TMEM132B: variants seen among roughly 807,000 people sequenced by gnomAD.
TMEM132B encodes the protein transmembrane protein 132B.
Under a neutral mutation model 90.8 loss-of-function variants are expected in TMEM132B, and 18 were observed. That is an observed-to-expected ratio of 0.20 (90% confidence interval 0.14 to 0.29). The LOEUF (loss-of-function observed/expected upper bound fraction) is 0.29, where lower values mean the gene tolerates loss of function less well. Ranked by LOEUF, TMEM132B falls within the 10% of genes least tolerant of loss-of-function variation. TMEM132B has a pLI of 1.00. For synonymous variants in TMEM132B, 504 were observed against 523.3 expected (o/e 0.96, Z 0.50); for missense variants, 1,096 against 1,326.8 (o/e 0.83, Z 2.70).
chr12:125,522,914 A>G (rs1189699180), intron 4 of TMEM132B, among the ~76,000 whole-genome samples: 1 of 152,196 alleles, frequency 6.6e-6, no homozygotes, highest in African/African-American at 2.4e-5. Context: ...AGAGCAGGTA[A>G]TGAGGGGTGA....
At chr12:125,474,161 T>A (rs979758497) in intron 3 of TMEM132B, among the ~76,000 whole-genome samples, 1 of 151,448 alleles carries the variant, frequency 6.6e-6, no homozygotes, top group African/African-American at 2.4e-5. Context: ...CTTCTTTTTC[T>A]CTTTCTCTCT....
At chr12:125,468,574 C>T (rs577115791) in intron 3 of TMEM132B, among the ~76,000 whole-genome samples, 15 of 152,284 alleles carry the variant, frequency 9.9e-5, no homozygotes, top group Middle Eastern at 3.4e-3. Context: ...TTGACCAATA[C>T]GTGAGGGCTT....
rs535003074 is a variant in TMEM132B, at chr12:125,622,503, A to G, written c.1438-21573A>G. On this transcript the variant is annotated intron_variant, in intron 5 of 8. Coordinates refer to ENST00000682704, the MANE Select transcript of TMEM132B (RefSeq NM_001366854.1). The stretch of plus-strand genomic sequence containing the variant: ...CTGTGCTGGAAAGGACTCACAGTCA[A>G]GAAAGGTGTAGATCCTGCAGACTGC... The G allele has an allele frequency of 4.2e-5, 41 of 985,396 alleles. No homozygotes were observed. The African/African-American group carries it at 6.8e-4, about 16-fold the overall frequency. 61.0% of individuals were successfully genotyped at this position (985,396 alleles called of 1,614,324 possible).
chr12:125,590,663 T>C lies in TMEM132B; in HGVS notation c.1437+6669T>C, dbSNP rs149573482. ...AATATATAAACAGCTTTGGGAGATA[T>C]AAAGGTGTAATGCATATGACTTCTA... On this transcript the variant is annotated intron_variant, in intron 5 of 8. Transcript: ENST00000682704. Among the ~76,000 whole-genome samples the C allele has an allele frequency of 6.3e-4, 96 of 152,332 alleles. No homozygotes were observed. The East Asian group carries it at 0.011, about 17-fold the overall frequency.
chr12:125,541,246 T>C (rs1254405647), intron 4 of TMEM132B, among the ~76,000 whole-genome samples: 2 of 152,190 alleles, frequency 1.3e-5, no homozygotes, highest in Admixed American at 6.5e-5. Context: ...AGCTGACACA[T>C]ATAGAGAGTC....
At chr12:125,509,621 C>T (rs560617615) in intron 3 of TMEM132B, among the ~76,000 whole-genome samples, 61 of 151,610 alleles carry the variant, frequency 4.0e-4, no homozygotes, top group African/African-American at 1.3e-3. Flanking sequence ...GGGTTGGCTG[C>T]GGGGAGTGGA....
chr12:125,434,191 G>A (rs1327252650), intron 3 of TMEM132B, among the ~76,000 whole-genome samples: 1 of 152,098 alleles, frequency 6.6e-6, no homozygotes, highest in Non-Finnish European at 1.5e-5. Context: ...GTATCCCTCT[G>A]ACCTCTGCAG....
At chr12:125,377,639 ATGT>A (rs537540916) in intron 2 of TMEM132B, among the ~76,000 whole-genome samples, 11 of 152,244 alleles carry the variant, frequency 7.2e-5, no homozygotes, top group Admixed American at 6.5e-4. Context: ...ATTATTTTCC[ATGT>A]TGTTATAATT....
intron 1 of TMEM132B, chr12:125,301,293 T>C (rs1461088443): frequency 2.0e-5 from 3 of 152,266 alleles, no homozygotes; most frequent in Non-Finnish European, 2.9e-5. Context: ...AGAGCTTGAT[T>C]GCATTCAGGG....
At chr12:125,316,939 C>T (rs542778416) in intron 1 of TMEM132B, among the ~76,000 whole-genome samples, 1 of 152,308 alleles carries the variant, frequency 6.6e-6, no homozygotes, top group South Asian at 2.1e-4. Flanking sequence ...ATCTCTTTCT[C>T]AGCCACAGCC....
At position 125,641,682 on chromosome 12, in the gene TMEM132B, C is replaced by T. The variant is rs543494045; in HGVS notation, c.1438-2394C>T. Among the ~76,000 whole-genome samples the T allele has an allele frequency of 9.2e-5, 14 of 152,244 alleles. 1 individual carries two copies. The Middle Eastern group carries it at 0.017, about 185-fold the overall frequency. On this transcript the variant is annotated intron_variant, in intron 5 of 8. Coordinates refer to ENST00000682704, the MANE Select transcript of TMEM132B (RefSeq NM_001366854.1). ...GGGCAGGTTTAAGACTGTAGTGCTC[C>T]GAAAGGATGCAGACAGTTACATTAT... is the stretch of plus-strand genomic sequence containing the variant.
chr12:125,397,402 G>A lies in TMEM132B; in HGVS notation c.960-18129G>A, dbSNP rs201129635. On this transcript the variant is annotated intron_variant, in intron 2 of 8. Transcript: ENST00000682704. The stretch of plus-strand genomic sequence containing the variant: ...CTCCCAGACATATTTGAATCCCAAA[G>A]CCCTGAGACTCAATCTTCTTTCCAA... Among the ~76,000 whole-genome samples, 7 of 152,294 alleles carry A rather than the reference G, an allele frequency of 4.6e-5. No homozygotes were observed. The East Asian group carries it at 5.8e-4, about 13-fold the overall frequency.
At chr12:125,391,607 A>T (rs1487423711) in intron 2 of TMEM132B, among the ~76,000 whole-genome samples, 1 of 152,164 alleles carries the variant, frequency 6.6e-6, no homozygotes, top group Non-Finnish European at 1.5e-5. Flanking sequence ...GGGATGTCTC[A>T]GGGGCAGTCT....
At chr12:125,281,157 C>G (rs1330035310) in intron 1 of TMEM132B, among the ~76,000 whole-genome samples, 1 of 152,144 alleles carries the variant, frequency 6.6e-6, no homozygotes, top group African/African-American at 2.4e-5. Context: ...AGAGTCACCC[C>G]TTCCAGCACC....
chr12:125,481,003 A>G (rs1263514452), intron 3 of TMEM132B, among the ~76,000 whole-genome samples: 1 of 152,228 alleles, frequency 6.6e-6, no homozygotes, highest in Non-Finnish European at 1.5e-5. Context: ...AACCAAAGAC[A>G]AAAACCACAT....
At chr12:125,248,456 T>C (rs1339653581) in intron 1 of TMEM132B, among the ~76,000 whole-genome samples, 3 of 152,238 alleles carry the variant, frequency 2.0e-5, no homozygotes, top group Non-Finnish European at 4.4e-5. Context: ...GCATCAATGA[T>C]TGCATTGCCA....
intron 4 of TMEM132B, among the ~76,000 whole-genome samples, chr12:125,559,688 A>G (rs891008557): frequency 6.6e-6 from 1 of 152,064 alleles, no homozygotes; most frequent in South Asian, 2.1e-4. Context: ...GCTGAGTCCT[A>G]TTACTTTCAG....
At chr12:125,344,696 T>C (rs530677340) in intron 1 of TMEM132B, among the ~76,000 whole-genome samples, 1 of 152,168 alleles carries the variant, frequency 6.6e-6, no homozygotes, top group African/African-American at 2.4e-5. Context: ...TACATTGGCA[T>C]GAGTGGAATG....
intron 2 of TMEM132B, among the ~76,000 whole-genome samples, chr12:125,384,811 C>T (rs990965422): frequency 3.9e-5 from 6 of 152,108 alleles, no homozygotes; most frequent in South Asian, 2.1e-4. Context: ...CTACCATGTC[C>T]GGCTAATTTT....
Sources: gnomAD v4.1 joint callset for allele counts (sites outside exome capture counted in the v4.1 genomes callset) on GRCh38, gnomAD v4.1.1 for gene constraint, MANE v1.5 for transcripts, NCBI Gene and HGNC (gene_info 2026-07-23, HGNC 2026-07-21) for gene names.